LSAMP: variants seen among roughly 807,000 people sequenced by gnomAD.
The protein encoded by LSAMP is limbic system-associated membrane protein.
LSAMP carries 7 observed loss-of-function variants against 38.6 expected under a neutral mutation model. The observed-to-expected ratio is 0.18, with a 90% confidence interval of 0.10 to 0.34. The LOEUF (loss-of-function observed/expected upper bound fraction) is 0.34, where lower values mean the gene tolerates loss of function less well. LSAMP is among the 10% of genes least tolerant of loss of function. LSAMP has a pLI of 1.00. For missense variants in LSAMP, 313 were observed against 420.0 expected, an observed-to-expected ratio of 0.75 and a Z score of 2.23; for synonymous variants, 154 against 166.8, an observed-to-expected ratio of 0.92 and a Z score of 0.59.
intron 1 of LSAMP, among the ~76,000 whole-genome samples, chr3:116,220,376 C>CAT (rs1280912796): frequency 0.014 from 2,077 of 151,618 alleles, 117 homozygotes; most frequent in African/African-American, 0.048. Flanking sequence ...CACACACACA[C>CAT]ACACACACAC....
At chr3:116,089,304 G>A (rs1708064137) in intron 1 of LSAMP, among the ~76,000 whole-genome samples, 1 of 152,052 alleles carries the variant, frequency 6.6e-6, no homozygotes, top group Non-Finnish European at 1.5e-5. Context: ...TTTAAAATTC[G>A]TCTTTTACTG....
intron 3 of LSAMP, among the ~76,000 whole-genome samples, chr3:115,872,078 C>G (rs1280580006): frequency 6.6e-6 from 1 of 152,022 alleles, no homozygotes; most frequent in Non-Finnish European, 1.5e-5. Context: ...TTTCTCTCTT[C>G]TTAGATTTCT....
chr3:116,177,315 T>C (rs1263622567), intron 1 of LSAMP, among the ~76,000 whole-genome samples: 1 of 152,086 alleles, frequency 6.6e-6, no homozygotes, highest in Admixed American at 6.6e-5. Flanking sequence ...TCCTACATTT[T>C]ATAAGTGACA....
chr3:116,404,808 C>T (rs990552663), intron 1 of LSAMP, among the ~76,000 whole-genome samples: 1 of 152,024 alleles, frequency 6.6e-6, no homozygotes, highest in African/African-American at 2.4e-5. Context: ...AAATATGGCT[C>T]ATATTTTTTC....
chr3:115,818,598 T>C (rs1359518553), intron 6 of LSAMP, among the ~76,000 whole-genome samples: 1 of 151,462 alleles, frequency 6.6e-6, no homozygotes, highest in Non-Finnish European at 1.5e-5. Context: ...GCCAGACACA[T>C]AATAAATGCT....
chr3:115,945,760 A>C (rs1301206865), intron 3 of LSAMP, among the ~76,000 whole-genome samples: 1 of 152,194 alleles, frequency 6.6e-6, no homozygotes, highest in Non-Finnish European at 1.5e-5. Flanking sequence ...AAGAAGTTTC[A>C]ATCTAACAGA....
intron 1 of LSAMP, among the ~76,000 whole-genome samples, chr3:116,221,309 G>A (rs1315942757): frequency 2.6e-5 from 4 of 152,078 alleles, no homozygotes; most frequent in African/African-American, 4.8e-5. Context: ...CAAGAAAATT[G>A]AGACTCTGCA....
At chr3:115,887,221 A>G (rs769552665) in intron 3 of LSAMP, among the ~76,000 whole-genome samples, 9 of 151,888 alleles carry the variant, frequency 5.9e-5, no homozygotes, top group East Asian at 5.8e-4. Context: ...TAAATATTCT[A>G]TGGTGAGACT....
In LSAMP at chr3:116,201,660, A is replaced by G. The variant is rs113163035; in HGVS notation, c.156-115104T>C. Among the ~76,000 whole-genome samples the G allele has an allele frequency of 4.4e-3, 663 of 152,328 alleles. 7 individuals are homozygous for G. Among genetic ancestry groups the G allele is most frequent in the African/African-American group, 0.015 (625 of 41,578 alleles). On this transcript the variant is annotated intron_variant, in intron 1 of 6. Transcript: ENST00000490035. ...GATCTACTTACTCAGGCTCTTGTGC[A>G]GGAGACATAGAAACTGAATGCTGTG...
chr3:116,164,374 T>G (rs1178503823), intron 1 of LSAMP, among the ~76,000 whole-genome samples: 1 of 151,414 alleles, frequency 6.6e-6, no homozygotes, highest in Non-Finnish European at 1.5e-5. Context: ...TTGTGCCAAA[T>G]ACTAAATAAA....
chr3:116,414,407 C>T (rs1559859936), intron 1 of LSAMP, among the ~76,000 whole-genome samples: 1 of 152,102 alleles, frequency 6.6e-6, no homozygotes, highest in Admixed American at 6.5e-5. Context: ...CCCTGCCCAG[C>T]CGGTGTCTTC....
At chr3:116,216,255 T>A (rs528681625) in intron 1 of LSAMP, among the ~76,000 whole-genome samples, 74 of 152,314 alleles carry the variant, frequency 4.9e-4, no homozygotes, top group Non-Finnish European at 4.7e-4. Context: ...CACTTGTCCC[T>A]CATCTCCCAT....
chr3:116,019,483 T>C (rs759890734), intron 3 of LSAMP, 32 bp downstream of exon 3: 74 of 1,606,878 alleles, frequency 4.6e-5, no homozygotes, highest in Non-Finnish European at 6.2e-5. Context: ...TTAAACAGCA[T>C]GTGGCATATT....
chr3:115,947,828 T>C (rs77190295), intron 3 of LSAMP, among the ~76,000 whole-genome samples: 3,770 of 152,224 alleles, frequency 0.025, 147 homozygotes, highest in African/African-American at 0.084. Flanking sequence ...GGGTAACATA[T>C]TATTGACTGT....
rs554524258 is a variant in LSAMP, at chr3:116,291,710, C to T, written c.155+153167G>A. Among the ~76,000 whole-genome samples, 13 of 152,226 alleles carry T rather than the reference C, an allele frequency of 8.5e-5. No individual in the cohort carries two copies. The East Asian group carries it at 2.5e-3, about 29-fold the overall frequency. On this transcript the variant is annotated intron_variant, in intron 1 of 6. Coordinates refer to ENST00000490035, the MANE Select transcript of LSAMP (RefSeq NM_002338.5). ...TATGGCCCAGGTGTTTCTGATGCCC[C>T]ATTGTAACTTCCCACACTCATCATG...
chr3:116,344,267 T>G (rs918197947), intron 1 of LSAMP, among the ~76,000 whole-genome samples: 1 of 152,000 alleles, frequency 6.6e-6, no homozygotes, highest in African/African-American at 2.4e-5. Context: ...GAGGCATATA[T>G]GAAGATTAGA....
At chr3:116,203,245 T>C (rs565654004) in intron 1 of LSAMP, among the ~76,000 whole-genome samples, 1 of 152,338 alleles carries the variant, frequency 6.6e-6, no homozygotes, top group South Asian at 2.1e-4. Flanking sequence ...TTTCATTATG[T>C]TCTCTTCAGT....
intron 2 of LSAMP, among the ~76,000 whole-genome samples, chr3:116,032,437 T>C (rs1940947518): frequency 1.3e-5 from 2 of 151,810 alleles, no homozygotes; most frequent in South Asian, 4.2e-4. Context: ...AGCTAGAGAG[T>C]GAAAGTACTA....
intron 1 of LSAMP, among the ~76,000 whole-genome samples, chr3:116,411,814 T>C (rs2048983221): frequency 6.6e-6 from 1 of 151,520 alleles, no homozygotes; most frequent in Non-Finnish European, 1.5e-5. Flanking sequence ...GGTGGGACCT[T>C]TAAGAGGTGA....
Sources: allele counts gnomAD v4.1 joint callset (sites outside exome capture counted in the v4.1 genomes callset), GRCh38; gene constraint gnomAD v4.1.1; transcripts MANE v1.5; gene names NCBI Gene and HGNC (gene_info 2026-07-23, HGNC 2026-07-21).